The following SBNO1 variants were observed in gnomAD, a reference collection of about 807,000 sequenced individuals.
SBNO1 encodes strawberry notch homolog 1.
Under a neutral mutation model 173.6 loss-of-function variants are expected in SBNO1, and 23 were observed. The ratio of observed to expected loss-of-function variants is 0.13; its 90% CI spans 0.10 to 0.19. SBNO1 has a LOEUF of 0.19. SBNO1 is among the 10% of genes least tolerant of loss of function. SBNO1 has a pLI of 1.00. For synonymous variants in SBNO1, 632 were observed against 571.5 expected, an observed-to-expected ratio of 1.11 and a Z score of -1.51; for missense variants, 1,238 against 1,671.2, an observed-to-expected ratio of 0.74 and a Z score of 4.52.
At chr12:123,362,720 G>A (rs1453630867) in intron 1 of SBNO1, among the ~76,000 whole-genome samples, 1 of 139,146 alleles carries the variant, frequency 7.2e-6, no homozygotes. Context: ...AGTGAGCCGA[G>A]TTCATACCAC....
rs879087355 is a variant in SBNO1 at position 123,319,833 on chromosome 12, TTCTAAAGCTTAA to T, written c.2799+55_2799+66del. ...ACTTATATTAAAAGGAAAAAGACTCTTCTAAAGCTTAATCTAAATATACAGGCATTGTTCTTT... is the reference window on the plus strand; with the variant it reads ...ACTTATATTAAAAGGAAAAAGACTCTTCTAAATATACAGGCATTGTTCTTT... On this transcript the variant is annotated intron_variant, in intron 20 of 31. Transcript: ENST00000602398. The T allele has an allele frequency of 8.3e-6, 12 of 1,439,376 alleles. No individual in the cohort carries two copies. In the South Asian group the frequency reaches 1.4e-4, roughly 16 times the overall value. The allele number at this position is 1,439,376 out of a possible 1,614,324, so 89.2% of individuals were successfully genotyped here.
intron 19 of SBNO1, among the ~76,000 whole-genome samples, 189 bp from the exon 20 acceptor site, chr12:123,320,220 C>T (rs1007491718): frequency 2.0e-5 from 3 of 152,114 alleles, no homozygotes; most frequent in East Asian, 1.9e-4. Flanking sequence ...ACAAAAGATG[C>T]GTGATAAGTG....
At position 123,359,660 on chromosome 12, in the gene SBNO1, CA is replaced by C. The variant is rs536637471; in HGVS notation, c.-1+5040del. Among the ~76,000 whole-genome samples, 10 of 152,046 alleles carry C rather than the reference CA, an allele frequency of 6.6e-5. 1 individual carries two copies. The highest frequency in any genetic ancestry group is 1.3e-4 in the Admixed American group (2 of 15,256). ...GGATGCAATAAAAATATTTGAAAAG[CA>C]TGACTCTGATCTATATATTGCCTCC... On this transcript the variant is annotated intron_variant, in intron 1 of 31. Coordinates refer to ENST00000602398, the MANE Select transcript of SBNO1 (RefSeq NM_001167856.3).
chr12:123,362,411 G>A (rs1875396717), intron 1 of SBNO1, among the ~76,000 whole-genome samples: 1 of 118,148 alleles, frequency 8.5e-6, no homozygotes, highest in African/African-American at 3.3e-5. Context: ...ACTCCAGCCT[G>A]GGCCACTGAG....
intron 25 of SBNO1, among the ~76,000 whole-genome samples, chr12:123,310,254 G>A (rs1176925605): frequency 2.6e-5 from 4 of 152,142 alleles, no homozygotes; most frequent in Non-Finnish European, 4.4e-5. Context: ...TTCTTGAGAC[G>A]GAGTCTTGCT....
chr12:123,335,990 T>C (rs2139021265), intron 6 of SBNO1, among the ~76,000 whole-genome samples: 1 of 152,278 alleles, frequency 6.6e-6, no homozygotes, highest in African/African-American at 2.4e-5. Flanking sequence ...CATAGATTTG[T>C]TTCCTGTAAT....
intron 6 of SBNO1, among the ~76,000 whole-genome samples, chr12:123,335,175 C>T (rs776264700): frequency 2.1e-4 from 32 of 152,144 alleles, no homozygotes; most frequent in Non-Finnish European, 2.6e-4. Context: ...CATGGTGGCT[C>T]ACGCCTGTAA....
At chr12:123,332,659 T>G (rs994268444) in intron 7 of SBNO1, among the ~76,000 whole-genome samples, 27 of 152,114 alleles carry the variant, frequency 1.8e-4, no homozygotes, top group Admixed American at 1.6e-3. Flanking sequence ...CTCCACCTCC[T>G]GGGTTCAAGT....
chr12:123,292,441 G>A lies in SBNO1; in HGVS notation c.*3467C>T, dbSNP rs1045812972. 3.9e-5 allele frequency: 6 copies of A among 152,154 alleles called. No individual in the cohort carries two copies. Among genetic ancestry groups the A allele is most frequent in the African/African-American group, 1.4e-4 (6 of 41,432 alleles). The allele number at this position is 152,154 out of a possible 1,614,324, so 9.4% of individuals were successfully genotyped here. On this transcript the variant is annotated 3_prime_UTR_variant, in exon 32 of 32. Coordinates refer to ENST00000602398, the MANE Select transcript of SBNO1 (RefSeq NM_001167856.3). Reference sequence around the variant, plus strand: ...TATCTCATGCTAAAATGAAAGTGGAGGGGAGAGGGAAGAAGGCTCCCATTC... The same window carrying A: ...TATCTCATGCTAAAATGAAAGTGGAAGGGAGAGGGAAGAAGGCTCCCATTC...
chr12:123,293,876 T>C lies in SBNO1; in HGVS notation c.*2032A>G, dbSNP rs1309498611. The C allele has an allele frequency of 5.3e-5, 8 of 152,056 alleles. No individual in the cohort carries two copies. Among genetic ancestry groups the C allele is most frequent in the Admixed American group, 5.2e-4 (8 of 15,246 alleles). The allele number at this position is 152,056 out of a possible 1,614,324, so 9.4% of individuals were successfully genotyped here. ...CTTACTGCAGGAGGGTTTGTAATGC[T>C]TCCCCACTTCCTCAGGTCCAGCGAC... On this transcript the variant is annotated 3_prime_UTR_variant, in exon 32 of 32. Coordinates refer to ENST00000602398, the MANE Select transcript of SBNO1 (RefSeq NM_001167856.3).
At chr12:123,330,632 C>T (rs898289170) in intron 8 of SBNO1, 123 bp from the exon 9 acceptor site, 8 of 480,354 alleles carry the variant, frequency 1.7e-5, no homozygotes, top group Non-Finnish European at 2.6e-5. Context: ...AGAAAATACA[C>T]TTACTCATTA....
intron 1 of SBNO1, among the ~76,000 whole-genome samples, chr12:123,352,080 CCCATTTTAT>C (rs1873943543): frequency 5.9e-4 from 1 of 1,684 alleles, no homozygotes; most frequent in Non-Finnish European, 1.8e-3. Flanking sequence ...TGGATTTTTA[CCCATTTTAT>C]AGGGGGGAAA....
chr12:123,321,082 G>C (rs11057264), intron 17 of SBNO1, among the ~76,000 whole-genome samples: 8,578 of 152,156 alleles, frequency 0.056, 287 homozygotes, highest in South Asian at 0.11. Context: ...TGGGATTACA[G>C]GTATGTGCCA....
chr12:123,358,742 C>CAAAAAAAAAAAAA (rs1164585887), intron 1 of SBNO1, among the ~76,000 whole-genome samples: 3 of 78,402 alleles, frequency 3.8e-5, no homozygotes, highest in African/African-American at 1.7e-4. Flanking sequence ...GACTCCGTCT[C>CAAAAAAAAAAAAA]AAAAAAAAAA....
At chr12:123,345,760 A>G (rs545790891) in intron 3 of SBNO1, among the ~76,000 whole-genome samples, 190 bp from the exon 4 acceptor site, 1 of 152,206 alleles carries the variant, frequency 6.6e-6, no homozygotes, top group African/African-American at 2.4e-5. Context: ...GCCTTGCCCA[A>G]CTGGGCTCAA....
In SBNO1 at chr12:123,319,969, T is replaced by C. The variant is rs772413347; in HGVS notation, c.2730A>G (p.Arg910=). 2 of 1,613,960 alleles carry C rather than the reference T, an allele frequency of 1.2e-6. No individual in the cohort carries two copies. The highest frequency in any genetic ancestry group is 1.7e-6 in the Non-Finnish European group (2 of 1,179,840). The stretch of plus-strand genomic sequence containing the variant: ...TTTCCACAGGCACATCAAGTTCAGA[T>C]CTTGACTCATAAGATATGCTTCCAT... The part of the protein sequence containing the change: ...NDDGSISYES[R]SELDVPVEIL... Residue 910 remains arginine, a synonymous_variant, in exon 20 of 32, where the codon AGA becomes AGG. Coordinates refer to ENST00000602398, the MANE Select transcript of SBNO1 (RefSeq NM_001167856.3).
chr12:123,319,245 G>A (rs1869679343), intron 20 of SBNO1, among the ~76,000 whole-genome samples: 1 of 151,314 alleles, frequency 6.6e-6, no homozygotes, highest in Non-Finnish European at 1.5e-5. Flanking sequence ...GATTACAGGC[G>A]TGAGCCACCA....
At chr12:123,310,914 T>A in intron 25 of SBNO1, 141 bp downstream of exon 25, 2 of 631,382 alleles carry the variant, frequency 3.2e-6, no homozygotes, top group East Asian at 5.6e-5. Flanking sequence ...CATGGATCTT[T>A]TACACATACC....
intron 21 of SBNO1, 114 bp downstream of exon 21, chr12:123,317,107 G>T (rs1005470152): frequency 8.2e-6 from 9 of 1,096,060 alleles, no homozygotes; most frequent in Non-Finnish European, 1.2e-5. Context: ...CGAAATGTTG[G>T]AATTACAGGC....
Sources: allele counts gnomAD v4.1 joint callset (sites outside exome capture counted in the v4.1 genomes callset), GRCh38; gene constraint gnomAD v4.1.1; transcripts MANE v1.5; gene names NCBI Gene and HGNC (gene_info 2026-07-23, HGNC 2026-07-21).